SEMA5A: variants seen among roughly 807,000 people sequenced by gnomAD.
SEMA5A encodes semaphorin-5A.
A neutral mutation model predicts 135.5 loss-of-function variants in SEMA5A; 55 were observed. The observed-to-expected ratio is 0.41, with a 90% CI of 0.33 to 0.51. The LOEUF (loss-of-function observed/expected upper bound fraction) is 0.51, where lower values mean the gene tolerates loss of function less well. Ranked by LOEUF, SEMA5A falls within the 20% of genes least tolerant of loss-of-function variation. The probability of loss-of-function intolerance (pLI) is 0.37; values close to 1 mark genes in which losing one functional copy is unlikely to be tolerated. For synonymous variants in SEMA5A, 580 were observed against 546.5 expected (o/e 1.06, Z -0.85); for missense variants, 1,290 against 1,419.9 (o/e 0.91, Z 1.47).
chr5:9,435,424 C>T (rs964958649), intron 2 of SEMA5A, among the ~76,000 whole-genome samples: 6 of 152,138 alleles, frequency 3.9e-5, no homozygotes, highest in African/African-American at 1.4e-4. Flanking sequence ...TTAGGTGGGA[C>T]TTAGACTAAC....
At chr5:9,162,585 T>TATATATATATATATATATATACAC (rs370982773) in intron 11 of SEMA5A, among the ~76,000 whole-genome samples, 1 of 112,064 alleles carries the variant, frequency 8.9e-6, no homozygotes, top group Admixed American at 9.6e-5. Context: ...TATATATATA[T>TATATATATATATATATATATACAC]ACACACACAC....
chr5:9,351,067 T>A (rs534392453), intron 3 of SEMA5A, among the ~76,000 whole-genome samples: 4 of 152,344 alleles, frequency 2.6e-5, no homozygotes, highest in South Asian at 4.1e-4. Flanking sequence ...GTCAGAAATA[T>A]ATAGAAATCA....
intron 2 of SEMA5A, among the ~76,000 whole-genome samples, chr5:9,411,505 C>A (rs141082117): frequency 0.012 from 1,894 of 152,312 alleles, 19 homozygotes; most frequent in South Asian, 0.021. Context: ...AGGCTGAGCA[C>A]TTCCCTCCTG....
intron 5 of SEMA5A, among the ~76,000 whole-genome samples, chr5:9,311,072 G>A (rs1042513866): frequency 6.6e-6 from 1 of 151,856 alleles, no homozygotes; most frequent in African/African-American, 2.4e-5. Context: ...TGGAAACTGA[G>A]GCAACAATCA....
chr5:9,384,675 TATAGATAG>T (rs1358325341), intron 2 of SEMA5A, among the ~76,000 whole-genome samples: 1,979 of 64,198 alleles, frequency 0.031, 174 homozygotes, highest in African/African-American at 0.079. Context: ...GATAGATAGA[TATAGATAG>T]ATAGATAGAT....
intron 1 of SEMA5A, among the ~76,000 whole-genome samples, chr5:9,538,147 TGA>T (rs1243329126): frequency 6.6e-6 from 1 of 152,148 alleles, no homozygotes; most frequent in African/African-American, 2.4e-5. Context: ...AGCAAGGAAA[TGA>T]GAGGCAATTC....
At chr5:9,228,800 GA>G (rs1318717283) in intron 6 of SEMA5A, among the ~76,000 whole-genome samples, 2 of 152,228 alleles carry the variant, frequency 1.3e-5, no homozygotes, top group African/African-American at 4.8e-5. Context: ...ATGATGATTT[GA>G]ATCACATCAT....
intron 5 of SEMA5A, among the ~76,000 whole-genome samples, chr5:9,286,119 C>T (rs902264091): frequency 7.9e-5 from 12 of 152,042 alleles, no homozygotes; most frequent in African/African-American, 2.4e-4. Context: ...CTTTGTATAA[C>T]GCTGCAGAAT....
At chr5:9,208,712 TG>T (rs1196250475) in intron 8 of SEMA5A, among the ~76,000 whole-genome samples, 1 of 151,466 alleles carries the variant, frequency 6.6e-6, no homozygotes, top group Non-Finnish European at 1.5e-5. Flanking sequence ...GGACGGGAGG[TG>T]GAAAGCCAGG....
At chr5:9,162,141 A>G (rs1179305583) in intron 11 of SEMA5A, among the ~76,000 whole-genome samples, 1 of 152,120 alleles carries the variant, frequency 6.6e-6, no homozygotes, top group African/African-American at 2.4e-5. Context: ...CTATCTACCA[A>G]GAAGTCAAGT....
chr5:9,173,279 G>GT (rs35531350), intron 11 of SEMA5A, among the ~76,000 whole-genome samples: 8,850 of 121,718 alleles, frequency 0.073, 372 homozygotes, highest in South Asian at 0.1. Context: ...TCTTCACCCG[G>GT]TTTTTTTTTT....
chr5:9,188,566 C>A (rs1339268708), intron 11 of SEMA5A, among the ~76,000 whole-genome samples: 1 of 152,080 alleles, frequency 6.6e-6, no homozygotes, highest in East Asian at 1.9e-4. Flanking sequence ...AAATCCCTCC[C>A]ACTCCCAAGG....
intron 5 of SEMA5A, among the ~76,000 whole-genome samples, chr5:9,254,326 C>T (rs1304397461): frequency 6.6e-6 from 1 of 152,096 alleles, no homozygotes; most frequent in Admixed American, 6.6e-5. Context: ...GAGAGAAAAA[C>T]ACGTTTGTAG....
In SEMA5A at chr5:9,037,011, G is replaced by A. The variant is rs1002380032; in HGVS notation, c.*5886C>T. On this transcript the variant is annotated 3_prime_UTR_variant, in exon 23 of 23. Transcript: ENST00000382496. ...ATTACTGCCATTCATCTAACATTTG[G>A]AATATTTGGCATTAAATTGCCAAAA... 6 of 152,106 alleles carry A rather than the reference G, an allele frequency of 3.9e-5. No homozygotes were observed. The highest frequency in any genetic ancestry group is 1.4e-4 in the African/African-American group (6 of 41,402). The allele number at this position is 152,106 out of a possible 1,614,324, so 9.4% of individuals were successfully genotyped here.
chr5:9,513,055 AATATATATATATAATATATATAT>A (rs1736296582), intron 1 of SEMA5A, among the ~76,000 whole-genome samples: 2 of 110,960 alleles, frequency 1.8e-5, no homozygotes, highest in South Asian at 5.2e-4. Context: ...ATGAGATGCA[AATATATATATATAATATATATAT>A]ATATATATGC....
Position 9,238,005 on chromosome 5 carries a change from A to G in SEMA5A, c.271-115T>C, listed in dbSNP as rs1748003950. 9.4e-6 allele frequency: 8 copies of G among 850,836 alleles called. No homozygotes were observed. The South Asian group carries it at 1.3e-4, about 13-fold the overall frequency. The allele number at this position is 850,836 out of a possible 1,614,324, so 52.7% of individuals were successfully genotyped here. A position where few individuals can be genotyped will look rare whatever the true frequency, so the allele number is the denominator to read the frequency against. ...TTAGGAAATATGGCTGCATCCTGGCACCAACATTTTCATACTCATAGAATT... is the reference window on the plus strand; with the variant it reads ...TTAGGAAATATGGCTGCATCCTGGCGCCAACATTTTCATACTCATAGAATT... On this transcript the variant is annotated intron_variant, in intron 5 of 22. Coordinates refer to ENST00000382496, the MANE Select transcript of SEMA5A (RefSeq NM_003966.3).
At chr5:9,402,000 C>T (rs1306524067) in intron 2 of SEMA5A, among the ~76,000 whole-genome samples, 1 of 152,168 alleles carries the variant, frequency 6.6e-6, no homozygotes, top group East Asian at 1.9e-4. Context: ...AAATTGTGTC[C>T]TTATTTGCTG....
intron 1 of SEMA5A, among the ~76,000 whole-genome samples, chr5:9,457,192 C>T (rs1416157000): frequency 6.6e-6 from 1 of 152,164 alleles, no homozygotes; most frequent in Non-Finnish European, 1.5e-5. Flanking sequence ...TCCTAAGATA[C>T]TTAAAAGAAA....
chr5:9,349,173 C>T (rs767635463), intron 3 of SEMA5A, among the ~76,000 whole-genome samples: 7 of 151,970 alleles, frequency 4.6e-5, no homozygotes, highest in Non-Finnish European at 7.4e-5. Context: ...CCAAGGTGGC[C>T]TCTTTGCCGA....
Sources: allele counts gnomAD v4.1 joint callset (sites outside exome capture counted in the v4.1 genomes callset), GRCh38; gene constraint gnomAD v4.1.1; transcripts MANE v1.5; gene names NCBI Gene and HGNC (gene_info 2026-07-23, HGNC 2026-07-21).